Variants in PRKCA observed in about 807,000 individuals in gnomAD.
PRKCA encodes the protein protein kinase C alpha type.
PRKCA carries 27 observed loss-of-function variants against 87.0 expected under a neutral mutation model. The observed-to-expected ratio is 0.31, with a 90% confidence interval of 0.23 to 0.43. The LOEUF is 0.43. Among genes scored for constraint, PRKCA ranks in the 20% least tolerant of loss-of-function variants. PRKCA has a pLI of 1.00. For missense variants in PRKCA, 518 were observed against 852.3 expected, an observed-to-expected ratio of 0.61 and a Z score of 4.88; for synonymous variants, 329 against 311.1, an observed-to-expected ratio of 1.06 and a Z score of -0.61.
At chr17:66,741,032 C>T (rs1331053544) in intron 11 of PRKCA, among the ~76,000 whole-genome samples, 5 of 152,140 alleles carry the variant, frequency 3.3e-5, no homozygotes, top group Middle Eastern at 3.2e-3. Context: ...GTGGCTTCTT[C>T]GACTTCAAAG....
At chr17:66,674,195 T>TACTAC (rs1175305393) in intron 5 of PRKCA, among the ~76,000 whole-genome samples, 3 of 152,080 alleles carry the variant, frequency 2.0e-5, no homozygotes, top group African/African-American at 7.2e-5. Flanking sequence ...TGTCAGTCTG[T>TACTAC]AGACATGGAA....
chr17:66,684,103 C>A (rs1286836346), intron 5 of PRKCA, among the ~76,000 whole-genome samples: 2 of 152,142 alleles, frequency 1.3e-5, no homozygotes, highest in African/African-American at 2.4e-5. Flanking sequence ...AGAACATTAC[C>A]ACACTGTACT....
At chr17:66,326,054 C>G (rs1035789787) in intron 2 of PRKCA, among the ~76,000 whole-genome samples, 3 of 152,104 alleles carry the variant, frequency 2.0e-5, no homozygotes, top group Non-Finnish European at 4.4e-5. Context: ...TGTTGAGAAC[C>G]CCCTTTGTGT....
At chr17:66,656,657 G>A (rs1415410037) in intron 5 of PRKCA, among the ~76,000 whole-genome samples, 1 of 152,140 alleles carries the variant, frequency 6.6e-6, no homozygotes, top group Non-Finnish European at 1.5e-5. Flanking sequence ...AGATCTTGGG[G>A]GATCAGGAGG....
intron 3 of PRKCA, among the ~76,000 whole-genome samples, chr17:66,501,777 T>C (rs1031009596): frequency 1.4e-4 from 22 of 152,194 alleles, no homozygotes; most frequent in African/African-American, 4.8e-4. Flanking sequence ...CTCCACCAAA[T>C]TAAGATGCAG....
intron 5 of PRKCA, among the ~76,000 whole-genome samples, chr17:66,658,086 C>T (rs545858282): frequency 2.6e-5 from 4 of 152,218 alleles, no homozygotes; most frequent in African/African-American, 9.6e-5. Flanking sequence ...AGGAAACTTA[C>T]GATCATGGCA....
In PRKCA at chr17:66,806,806, C is replaced by T. The variant is rs943969314; in HGVS notation, c.*2769C>T. Reference sequence around the variant, plus strand: ...GGCAAAGTTTTCCAAGAAAATGCCCCGACAGGGGTGCCCAGCACACTGCCT... The same window carrying T: ...GGCAAAGTTTTCCAAGAAAATGCCCTGACAGGGGTGCCCAGCACACTGCCT... On this transcript the variant is annotated 3_prime_UTR_variant, in exon 17 of 17. Transcript: ENST00000413366. 2.0e-5 allele frequency: 3 copies of T among 152,218 alleles called. No individual in the cohort carries two copies. The highest frequency in any genetic ancestry group is 4.8e-5 in the African/African-American group (2 of 41,442). 9.4% of individuals were successfully genotyped at this position (152,218 alleles called of 1,614,324 possible). A position where few individuals can be genotyped will look rare whatever the true frequency, so the allele number is the denominator to read the frequency against.
chr17:66,700,962 C>A (rs1043765747), intron 8 of PRKCA, among the ~76,000 whole-genome samples: 3 of 151,994 alleles, frequency 2.0e-5, no homozygotes, highest in Non-Finnish European at 2.9e-5. Flanking sequence ...TCCCAGAATT[C>A]GTATGAAGCC....
At chr17:66,436,413 G>A (rs930554331) in intron 2 of PRKCA, among the ~76,000 whole-genome samples, 1 of 152,172 alleles carries the variant, frequency 6.6e-6, no homozygotes, top group Admixed American at 6.6e-5. Context: ...GGTGAAAATA[G>A]CACCTACCTC....
chr17:66,732,910 G>A, intron 9 of PRKCA, 85 bp downstream of exon 9: 1 of 1,486,746 alleles, frequency 6.7e-7, no homozygotes, highest in Non-Finnish European at 9.1e-7. Context: ...TTGCAGAATA[G>A]CACATTAGAT....
chr17:66,688,816 TA>T, intron 7 of PRKCA, 134 bp from the exon 8 acceptor site: 1 of 659,686 alleles, frequency 1.5e-6, no homozygotes, highest in East Asian at 2.9e-5. Flanking sequence ...TATAAAAATG[TA>T]AAAAAAGTCA....
In PRKCA at chr17:66,522,823, AG is replaced by A. The variant is rs200849312; in HGVS notation, c.288+26541del. On this transcript the variant is annotated intron_variant, in intron 3 of 16. Transcript: ENST00000413366. ...GGGTCGCTCACTAAAAAAAAAAAAAAGAAGAAGCCAGGCCCCAAAGGAAGAG... is the reference window on the plus strand; with the variant it reads ...GGGTCGCTCACTAAAAAAAAAAAAAAAAGAAGCCAGGCCCCAAAGGAAGAG... 4.7e-3 allele frequency among the ~76,000 whole-genome samples: 696 copies of A among 146,880 alleles called. 13 individuals are homozygous for A. Among genetic ancestry groups the A allele is most frequent in the African/African-American group, 0.012 (471 of 40,018 alleles).
chr17:66,445,560 T>G (rs1428785598), intron 2 of PRKCA, among the ~76,000 whole-genome samples: 1 of 152,164 alleles, frequency 6.6e-6, no homozygotes, highest in Non-Finnish European at 1.5e-5. Flanking sequence ...ACTCAAATAG[T>G]TATATATGAA....
At chr17:66,681,828 A>G (rs1439362607) in intron 5 of PRKCA, among the ~76,000 whole-genome samples, 1 of 152,162 alleles carries the variant, frequency 6.6e-6, no homozygotes. Context: ...TCAGATGTGT[A>G]TCCCTCACTC....
chr17:66,614,431 A>G (rs2143657838), intron 3 of PRKCA, among the ~76,000 whole-genome samples: 1 of 152,318 alleles, frequency 6.6e-6, no homozygotes, highest in South Asian at 2.1e-4. Context: ...CTGTGAAGTT[A>G]CTTTCTATTT....
rs200201311 is a variant in PRKCA at position 66,550,773 on chromosome 17, G to GCCT, written c.288+54496_288+54498dup. Among the ~76,000 whole-genome samples the GCCT allele has an allele frequency of 6.5e-3, 984 of 152,298 alleles. 34 individuals are homozygous for GCCT. Among genetic ancestry groups the GCCT allele is most frequent in the Admixed American group, 0.056 (862 of 15,298 alleles). ...AGCATTAAATGTCCGTTCATTCACTGCCTCCTCCATGGTGCGATGCGGGTG... is the reference window on the plus strand; with the variant it reads ...AGCATTAAATGTCCGTTCATTCACTGCCTCCTCCTCCATGGTGCGATGCGGGTG... On this transcript the variant is annotated intron_variant, in intron 3 of 16. Transcript: ENST00000413366.
chr17:66,543,768 T>C (rs991885980), intron 3 of PRKCA, among the ~76,000 whole-genome samples: 2 of 152,184 alleles, frequency 1.3e-5, no homozygotes, highest in Non-Finnish European at 1.5e-5. Flanking sequence ...CCCTACACCA[T>C]AGAAAAGGCT....
intron 4 of PRKCA, 94 bp from the exon 5 acceptor site, chr17:66,645,289 A>G (rs1202758956): frequency 2.6e-6 from 4 of 1,549,038 alleles, no homozygotes; most frequent in Non-Finnish European, 3.5e-6. Context: ...AGTTGGGGGT[A>G]ACTCATTTTC....
intron 2 of PRKCA, among the ~76,000 whole-genome samples, chr17:66,377,473 A>ATATACGTGTATATATATACATG (rs1312090383): frequency 1.4e-4 from 21 of 150,168 alleles, no homozygotes; most frequent in African/African-American, 4.2e-4. Context: ...ATATATATAG[A>ATATACGTGTATATATATACATG]TATACGTGTA....
Sources: gnomAD v4.1 joint callset for allele counts (sites outside exome capture counted in the v4.1 genomes callset) on GRCh38, gnomAD v4.1.1 for gene constraint, MANE v1.5 for transcripts, NCBI Gene and HGNC (gene_info 2026-07-23, HGNC 2026-07-21) for gene names.